The following PXDNL variants were observed in gnomAD, a reference collection of about 807,000 sequenced individuals.
The protein encoded by PXDNL is probable oxidoreductase PXDNL.
PXDNL carries 145 observed loss-of-function variants against 150.8 expected under a neutral mutation model. The ratio of observed to expected loss-of-function variants is 0.96; its 90% CI spans 0.84 to 1.10. The LOEUF is 1.10. Ranked by LOEUF, PXDNL falls within the 50% of genes least tolerant of loss-of-function variation. The pLI is 0.00. For missense variants in PXDNL, 2,087 were observed against 1,873.9 expected (o/e 1.11, Z -2.10); for synonymous variants, 757 against 725.7 (o/e 1.04, Z -0.69).
At chr8:51,805,463 T>TTA (rs932851066) in intron 1 of PXDNL, among the ~76,000 whole-genome samples, 7 of 148,092 alleles carry the variant, frequency 4.7e-5, no homozygotes, top group East Asian at 1.9e-4. Flanking sequence ...GATATATATA[T>TTA]TATATATATA....
chr8:51,771,816 G>A (rs949932783), intron 1 of PXDNL, among the ~76,000 whole-genome samples: 1 of 152,176 alleles, frequency 6.6e-6, no homozygotes, highest in African/African-American at 2.4e-5. Flanking sequence ...AGGCGGTGCT[G>A]CCTGTGGGTG....
At chr8:51,751,545 G>A (rs1003738501) in intron 1 of PXDNL, among the ~76,000 whole-genome samples, 2 of 152,088 alleles carry the variant, frequency 1.3e-5, no homozygotes, top group Non-Finnish European at 1.5e-5. Context: ...AGATGACTTT[G>A]TCTGACCCCA....
At chr8:51,601,312 C>T (rs919816901) in intron 2 of PXDNL, among the ~76,000 whole-genome samples, 63 of 151,882 alleles carry the variant, frequency 4.1e-4, no homozygotes, top group Admixed American at 3.5e-3. Flanking sequence ...CCAATGTTGT[C>T]GTTGGGGTGT....
In PXDNL at chr8:51,366,484, G is replaced by A. The variant is rs149292225; in HGVS notation, c.3901+5389C>T. ...GGCTGCCCTTTGTCAAGTAAAGTCT[G>A]TTAAACTTAATTTGTCTAAGGTTTT... On this transcript the variant is annotated intron_variant, in intron 19 of 22. Transcript: ENST00000356297. Among the ~76,000 whole-genome samples, 910 of 151,694 alleles carry A rather than the reference G, an allele frequency of 6.0e-3. 9 individuals carry two copies. Among genetic ancestry groups the A allele is most frequent in the African/African-American group, 0.02 (838 of 41,494 alleles).
intron 1 of PXDNL, among the ~76,000 whole-genome samples, chr8:51,714,886 G>A (rs1816582286): frequency 6.6e-6 from 1 of 152,146 alleles, no homozygotes; most frequent in African/African-American, 2.4e-5. Flanking sequence ...ACATTACTGA[G>A]TTGTTAATAT....
rs1374111380 is a variant in PXDNL, at chr8:51,409,132, G to A, written c.2492C>T (p.Pro831Leu). ...GTCGTTGGTGCAGACGGAGCTGCAC[G>A]GCCGCCCATCCGAGAAGCGGGCTGT... ...LSTARFSDGR[P>L]CSSVCTNDPP... is the part of the protein sequence containing the mutation. Residue 831 changes from proline (P) to leucine (L), a missense_variant, in exon 17 of 23, where the codon CCG becomes CTG. Pro to Leu is a moderately conservative substitution (Grantham distance 98, BLOSUM62 -3). Coordinates refer to ENST00000356297, the MANE Select transcript of PXDNL (RefSeq NM_144651.5). 2.5e-6 allele frequency: 4 copies of A among 1,605,210 alleles called. No individual in the cohort carries two copies. Among genetic ancestry groups the A allele is most frequent in the Non-Finnish European group, 3.4e-6 (4 of 1,178,812 alleles).
chr8:51,784,375 T>G (rs1221539483), intron 1 of PXDNL, among the ~76,000 whole-genome samples: 1 of 152,260 alleles, frequency 6.6e-6, no homozygotes, highest in African/African-American at 2.4e-5. Context: ...TACGAATTCT[T>G]AAGCAGATCA....
At chr8:51,684,630 TG>T (rs1815833368) in intron 1 of PXDNL, among the ~76,000 whole-genome samples, 1 of 152,184 alleles carries the variant, frequency 6.6e-6, no homozygotes. Flanking sequence ...ACTTAATAAA[TG>T]GGAGTTTATT....
At chr8:51,482,660 G>A (rs1206262625) in intron 6 of PXDNL, among the ~76,000 whole-genome samples, 2 of 152,144 alleles carry the variant, frequency 1.3e-5, no homozygotes, top group Admixed American at 6.5e-5. Context: ...TTGTTCTCAT[G>A]GTAGTGAATA....
At chr8:51,577,932 A>AAAGG in intron 3 of PXDNL, among the ~76,000 whole-genome samples, 1 of 40,370 alleles carries the variant, frequency 2.5e-5, no homozygotes, top group East Asian at 5.6e-4. Context: ...GAAAAGAAAG[A>AAAGG]AAGAAAGAAA....
At chr8:51,623,763 AGTTT>A (rs1779919436) in intron 2 of PXDNL, among the ~76,000 whole-genome samples, 1 of 152,094 alleles carries the variant, frequency 6.6e-6, no homozygotes, top group Non-Finnish European at 1.5e-5. Flanking sequence ...GATGCCATAA[AGTTT>A]GTTTAAAGTG....
At chr8:51,530,075 T>G (rs1301082275) in intron 4 of PXDNL, among the ~76,000 whole-genome samples, 1 of 152,146 alleles carries the variant, frequency 6.6e-6, no homozygotes, top group Non-Finnish European at 1.5e-5. Flanking sequence ...AGGTTGAAGA[T>G]AAAGCAGATA....
chr8:51,499,509 T>C (rs540156441), intron 5 of PXDNL, among the ~76,000 whole-genome samples, 190 bp downstream of exon 5: 1 of 152,350 alleles, frequency 6.6e-6, no homozygotes. Flanking sequence ...TTTCATTGGC[T>C]ATTTCACCTT....
intron 17 of PXDNL, among the ~76,000 whole-genome samples, chr8:51,397,558 A>T (rs75234503): frequency 0.032 from 4,836 of 152,282 alleles, 197 homozygotes; most frequent in African/African-American, 0.094. Flanking sequence ...ACATTTTAAT[A>T]TGGAGGTTGC....
chr8:51,633,828 TTA>T (rs1814543697), intron 2 of PXDNL, among the ~76,000 whole-genome samples: 1 of 152,090 alleles, frequency 6.6e-6, no homozygotes, highest in South Asian at 2.1e-4. Context: ...TTTGATGGGG[TTA>T]TGTGTTTTTG....
At chr8:51,382,240 G>A (rs1164545178) in intron 17 of PXDNL, among the ~76,000 whole-genome samples, 2 of 152,108 alleles carry the variant, frequency 1.3e-5, no homozygotes, top group Admixed American at 6.5e-5. Context: ...GCAAGCCAGG[G>A]AAACCAAGGG....
rs1183960255 is a variant in PXDNL, at chr8:51,741,437, G to A, written c.164+67744C>T. Among the ~76,000 whole-genome samples, 4 of 8,228 alleles carry A rather than the reference G, an allele frequency of 4.9e-4. No individual in the cohort carries two copies. In the Non-Finnish European group the frequency reaches 0.012, roughly 25 times the overall value. 5.4% of individuals were successfully genotyped at this position (8,228 alleles called of 152,430 possible). On this transcript the variant is annotated intron_variant, in intron 1 of 22. Coordinates refer to ENST00000356297, the MANE Select transcript of PXDNL (RefSeq NM_144651.5). ...TTACCATTATGTAATGTCCTTCTTTGTCTTTTTTATCTTTGTTAGTTTAAA... is the reference window on the plus strand; with the variant it reads ...TTACCATTATGTAATGTCCTTCTTTATCTTTTTTATCTTTGTTAGTTTAAA...
chr8:51,612,683 C>T (rs944780234), intron 2 of PXDNL, among the ~76,000 whole-genome samples: 6 of 152,324 alleles, frequency 3.9e-5, no homozygotes, highest in African/African-American at 1.4e-4. Flanking sequence ...CCCAATTCCA[C>T]CATGGGAGGA....
intron 1 of PXDNL, among the ~76,000 whole-genome samples, chr8:51,745,860 C>T (rs561851891): frequency 4.6e-5 from 7 of 151,632 alleles, no homozygotes; most frequent in Admixed American, 3.3e-4. Context: ...ACCTCTGCCT[C>T]GCAGGTTCAG....
Sources: allele counts gnomAD v4.1 joint callset (sites outside exome capture counted in the v4.1 genomes callset), GRCh38; gene constraint gnomAD v4.1.1; transcripts MANE v1.5; gene names NCBI Gene and HGNC (gene_info 2026-07-23, HGNC 2026-07-21).